CBX3: variants seen among roughly 807,000 people sequenced by gnomAD.
The protein encoded by CBX3 is chromobox protein homolog 3.
In CBX3, 5 loss-of-function variants were observed where a neutral mutation model predicts 22.6. That is an observed-to-expected ratio of 0.22 (90% CI 0.12 to 0.47). CBX3 has a LOEUF of 0.47. Ranked by LOEUF, CBX3 falls within the 20% of genes least tolerant of loss-of-function variation. The pLI, the probability that CBX3 is intolerant of heterozygous loss-of-function variation, is 0.99. For missense variants in CBX3, 83 were observed against 208.1 expected (o/e 0.40, Z 3.70); for synonymous variants, 50 against 66.6 (o/e 0.75, Z 1.21).
intron 1 of CBX3, 124 bp from the exon 2 acceptor site, chr7:26,202,847 T>G: frequency 1.4e-6 from 1 of 726,572 alleles, no homozygotes; most frequent in Non-Finnish European, 2.5e-6. Flanking sequence ...AGATCTACTC[T>G]GGATTTGTAT....
intron 3 of CBX3, 50 bp downstream of exon 3, chr7:26,206,560 G>A (rs1784681731): frequency 1.3e-6 from 2 of 1,575,140 alleles, no homozygotes; most frequent in South Asian, 1.1e-5. Context: ...CAGCTAAGTG[G>A]TTTTAGAATT....
At chr7:26,208,293 C>T (rs1412944708) in intron 3 of CBX3, 100 bp from the exon 4 acceptor site, 1 of 986,194 alleles carries the variant, frequency 1.0e-6, no homozygotes, top group Non-Finnish European at 1.5e-6. Flanking sequence ...GTACAGAGGA[C>T]TTTTTATTCC....
chr7:26,202,028 G>C (rs939208087), intron 1 of CBX3: 2 of 151,906 alleles, frequency 1.3e-5, no homozygotes, highest in East Asian at 2.0e-4. Flanking sequence ...TTAGTGGGGG[G>C]ACTGCTCTGC....
At chr7:26,210,145 C>G (rs962835167) in intron 4 of CBX3, 2 of 152,004 alleles carry the variant, frequency 1.3e-5, no homozygotes, top group African/African-American at 4.8e-5. Context: ...AAAAAAGAAT[C>G]AGCAAGACGT....
chr7:26,206,338 T>C lies in CBX3; in HGVS notation c.25-30T>C, dbSNP rs1784675308. On this transcript the variant is annotated intron_variant, in intron 2 of 5. Transcript: ENST00000396386. ...ATGTGCTCAAAATTCAAGAGGAATA[T>C]TTCTTAATTTCTCTTTTGTTTTATT... The C allele has an allele frequency of 2.8e-6, 4 of 1,444,170 alleles. No homozygotes were observed. In the East Asian group the frequency reaches 9.3e-5, roughly 34 times the overall value. 89.5% of individuals were successfully genotyped at this position (1,444,170 alleles called of 1,614,324 possible). A position where few individuals can be genotyped will look rare whatever the true frequency, so the allele number is the denominator to read the frequency against.
At chr7:26,203,219 C>G (rs1191909659) in intron 2 of CBX3, among the ~76,000 whole-genome samples, 197 bp downstream of exon 2, 1 of 152,118 alleles carries the variant, frequency 6.6e-6, no homozygotes, top group Non-Finnish European at 1.5e-5. Context: ...AGTGTCTTAA[C>G]TAGTTCAAAG....
intron 1 of CBX3, 97 bp downstream of exon 1, chr7:26,201,923 C>T (rs1181354354): frequency 2.6e-5 from 4 of 152,070 alleles, no homozygotes; most frequent in South Asian, 4.2e-4. Flanking sequence ...CCTCCCCTCC[C>T]CTTCTCGCCG....
intron 3 of CBX3, chr7:26,208,046 A>G (rs2128137812): frequency 1.3e-5 from 2 of 157,064 alleles, no homozygotes; most frequent in South Asian, 1.9e-4. Flanking sequence ...CCCCTTCTCT[A>G]TTAAAAAAAA....
chr7:26,213,398 A>C lies in CBX3; in HGVS notation c.*1190A>C, dbSNP rs1024036095. ...TTTATTTGATATGCCTTTACAGTAG[A>C]AATAGAAATGCCCACACTCATTGGA... is the stretch of plus-strand genomic sequence containing the variant. On this transcript the variant is annotated 3_prime_UTR_variant, in exon 6 of 6. Transcript: ENST00000396386. 14 of 151,028 alleles carry C rather than the reference A, an allele frequency of 9.3e-5. No individual in the cohort carries two copies. Among genetic ancestry groups the C allele is most frequent in the Non-Finnish European group, 4.4e-5 (3 of 67,490 alleles). The allele number at this position is 151,028 out of a possible 1,614,324, so 9.4% of individuals were successfully genotyped here. A position where few individuals can be genotyped will look rare whatever the true frequency, so the allele number is the denominator to read the frequency against.
At position 26,208,447 on chromosome 7, in the gene CBX3, A is replaced by G; in HGVS notation, c.222A>G (p.Glu74=). 1.9e-6 allele frequency: 3 copies of G among 1,614,000 alleles called. No individual in the cohort carries two copies. The highest frequency in any genetic ancestry group is 2.5e-6 in the Non-Finnish European group (3 of 1,179,902). ...EENLDCPELI[E]AFLNSQKAGK... ...ATTTAGATTGTCCAGAATTGATTGA[A>G]GCGTTTCTTAACTCTCAGAAAGCTG... Residue 74 remains glutamate, a synonymous_variant, in exon 4 of 6, where the codon GAA becomes GAG. Transcript: ENST00000396386.
intron 5 of CBX3, 63 bp downstream of exon 5, chr7:26,211,819 A>G: frequency 8.1e-7 from 1 of 1,236,284 alleles, no homozygotes; most frequent in Non-Finnish European, 1.1e-6. Flanking sequence ...AATTTGTGAA[A>G]TGGTTTTTCA....
Position 26,211,839 on chromosome 7 carries a change from A to T in CBX3, c.425+83A>T, listed in dbSNP as rs1584042188. 5.7e-6 allele frequency: 6 copies of T among 1,054,060 alleles called. No homozygotes were observed. In the East Asian group the frequency reaches 1.5e-4, roughly 27 times the overall value. 65.3% of individuals were successfully genotyped at this position (1,054,060 alleles called of 1,614,324 possible). A position where few individuals can be genotyped will look rare whatever the true frequency, so the allele number is the denominator to read the frequency against. The stretch of plus-strand genomic sequence containing the variant: ...GTGAAATGGTTTTTCATCATTAGGT[A>T]GGGAAAAACTATCTGCTGAGAGGAT... On this transcript the variant is annotated intron_variant, in intron 5 of 5. Transcript: ENST00000396386.
Position 26,213,576 on chromosome 7 carries a change from A to C in CBX3, c.*1368A>C, listed in dbSNP as rs906901315. On this transcript the variant is annotated 3_prime_UTR_variant, in exon 6 of 6. Transcript: ENST00000396386. ...AAGTTTCATGTGATGCCTAGGGTCA[A>C]TTGTCTCATTAAAATGAGGTTTTAA... 1.3e-5 allele frequency among the ~76,000 whole-genome samples: 2 copies of C among 152,168 alleles called. No individual in the cohort carries two copies. The highest frequency in any genetic ancestry group is 4.8e-5 in the African/African-American group (2 of 41,444).
Position 26,202,970 on chromosome 7 carries a change from G to C in CBX3, c.-28-1G>C, listed in dbSNP as rs1232695937. The C allele has an allele frequency of 5.1e-6, 8 of 1,578,750 alleles. No individual in the cohort carries two copies. Among genetic ancestry groups the C allele is most frequent in the Non-Finnish European group, 6.9e-6 (8 of 1,155,294 alleles). On this transcript the variant is annotated splice_acceptor_variant, in intron 1 of 5. Coordinates refer to ENST00000396386, the MANE Select transcript of CBX3 (RefSeq NM_016587.4). LOFTEE classifies it low-confidence loss of function (5UTR_SPLICE). ...ACCTTAACTGTCATGCATTTTTCTA[G>C]TAATAGCTCTTCAAGTCTGCAATAA...
At chr7:26,202,746 T>G (rs1411341416) in intron 1 of CBX3, 8 of 509,220 alleles carry the variant, frequency 1.6e-5, no homozygotes, top group Non-Finnish European at 2.8e-5. Context: ...TGAAGCTGTT[T>G]TAGGTACCAG....
chr7:26,210,843 A>T (rs1287599250), intron 4 of CBX3, among the ~76,000 whole-genome samples: 1 of 152,188 alleles, frequency 6.6e-6, no homozygotes, highest in African/African-American at 2.4e-5. Context: ...GTGGAGGTAT[A>T]TGAAGACAAT....
Position 26,213,006 on chromosome 7 carries a change from C to CAA in CBX3, c.*801_*802dup, listed in dbSNP as rs993893400. 3.3e-5 allele frequency: 5 copies of CAA among 152,290 alleles called. No homozygotes were observed. The highest frequency in any genetic ancestry group is 9.6e-5 in the African/African-American group (4 of 41,480). 9.4% of individuals were successfully genotyped at this position (152,290 alleles called of 1,614,324 possible). A position where few individuals can be genotyped will look rare whatever the true frequency, so the allele number is the denominator to read the frequency against. On this transcript the variant is annotated 3_prime_UTR_variant, in exon 6 of 6. Coordinates refer to ENST00000396386, the MANE Select transcript of CBX3 (RefSeq NM_016587.4). ...GTTTCCCTAGCGGGCCATTCCTTAG[C>CAA]AAAATGTTGGAATCCCTGTTGCTAC... is the stretch of plus-strand genomic sequence containing the variant.
rs761717953 is a variant in CBX3 at position 26,208,347 on chromosome 7, A to G, written c.168-46A>G. The G allele has an allele frequency of 7.6e-6, 11 of 1,443,028 alleles. No individual in the cohort carries two copies. In the East Asian group the frequency reaches 1.4e-4, roughly 18 times the overall value. 89.4% of individuals were successfully genotyped at this position (1,443,028 alleles called of 1,614,324 possible). A position where few individuals can be genotyped will look rare whatever the true frequency, so the allele number is the denominator to read the frequency against. On this transcript the variant is annotated intron_variant, in intron 3 of 5. Transcript: ENST00000396386. ...TAGATCTGGATAATGGTGATGAATC[A>G]TATTTAATTCAATCACCTTTTTTTT...
intron 2 of CBX3, among the ~76,000 whole-genome samples, chr7:26,203,524 TAA>T (rs935695146): frequency 1.3e-5 from 2 of 152,198 alleles, no homozygotes; most frequent in African/African-American, 4.8e-5. Flanking sequence ...AGAAGAATAT[TAA>T]GTTTAATTCA....
Sources: allele counts gnomAD v4.1 joint callset (sites outside exome capture counted in the v4.1 genomes callset), GRCh38; gene constraint gnomAD v4.1.1; transcripts MANE v1.5; gene names NCBI Gene and HGNC (gene_info 2026-07-23, HGNC 2026-07-21).